The following ARHGEF4 variants were observed in gnomAD, a reference collection of about 807,000 sequenced individuals.
ARHGEF4 encodes APC-stimulated guanine nucleotide exchange factor 1.
A neutral mutation model predicts 162.0 loss-of-function variants in ARHGEF4; 119 were observed. The observed-to-expected ratio is 0.73, with a 90% CI of 0.63 to 0.86. The LOEUF is 0.86. ARHGEF4 is among the 40% of genes least tolerant of loss of function. The probability of loss-of-function intolerance (pLI) is 0.00; values close to 1 mark genes in which losing one functional copy is unlikely to be tolerated. For synonymous variants in ARHGEF4, 1,014 were observed against 979.9 expected (o/e 1.03, Z -0.65); for missense variants, 2,488 against 2,456.0 (o/e 1.01, Z -0.28).
intron 3 of ARHGEF4, among the ~76,000 whole-genome samples, chr2:130,945,218 G>A (rs1258310946): frequency 2.6e-5 from 4 of 151,986 alleles, no homozygotes; most frequent in African/African-American, 7.3e-5. Flanking sequence ...GCACTTCCTG[G>A]TGTCTAGGAG....
intron 1 of ARHGEF4, among the ~76,000 whole-genome samples, chr2:130,900,860 T>A: frequency 6.6e-6 from 1 of 152,232 alleles, no homozygotes; most frequent in East Asian, 1.9e-4. Flanking sequence ...CATATAGCTC[T>A]AGCCTATTTT....
chr2:131,013,733 TG>T (rs1330799876), intron 4 of ARHGEF4, among the ~76,000 whole-genome samples: 1 of 152,206 alleles, frequency 6.6e-6, no homozygotes, highest in African/African-American at 2.4e-5. Flanking sequence ...TCCAAGCAGC[TG>T]GGATTACAGG....
At chr2:130,935,942 A>G (rs6714494) in intron 3 of ARHGEF4, among the ~76,000 whole-genome samples, 1 of 152,126 alleles carries the variant, frequency 6.6e-6, no homozygotes, top group Non-Finnish European at 1.5e-5. Flanking sequence ...GTGCATGCCT[A>G]TAATCCCAGC....
chr2:131,006,214 T>C (rs1454662172), intron 4 of ARHGEF4, among the ~76,000 whole-genome samples: 2 of 152,040 alleles, frequency 1.3e-5, no homozygotes, highest in Admixed American at 1.3e-4. Flanking sequence ...AGACTGCGAG[T>C]TGATTCAGCC....
intron 1 of ARHGEF4, among the ~76,000 whole-genome samples, chr2:130,894,316 T>C (rs1159798957): frequency 2.6e-5 from 4 of 152,108 alleles, no homozygotes; most frequent in African/African-American, 9.7e-5. Context: ...CATAAATATA[T>C]GGTCAGGAGG....
In ARHGEF4 at chr2:130,894,723, T is replaced by C. The variant is rs557394439; in HGVS notation, c.40-19263T>C. Among the ~76,000 whole-genome samples, 10 of 152,312 alleles carry C rather than the reference T, an allele frequency of 6.6e-5. No homozygotes were observed. In the South Asian group the frequency reaches 1.9e-3, roughly 28 times the overall value. On this transcript the variant is annotated intron_variant, in intron 1 of 13. Coordinates refer to ENST00000409359, the MANE Select transcript of ARHGEF4 (RefSeq NM_001367493.1). Reference sequence around the variant, plus strand: ...ACAATACTATGAGTCAGGATTTTTCTGCTCCTTCTTCCTCTGTCCCTGGTC... The same window carrying C: ...ACAATACTATGAGTCAGGATTTTTCCGCTCCTTCTTCCTCTGTCCCTGGTC...
intron 4 of ARHGEF4, chr2:130,963,975 C>A: frequency 1.2e-5 from 2 of 172,278 alleles, no homozygotes; most frequent in South Asian, 1.7e-4. Context: ...CCGGCAGCCC[C>A]GCGGCCGCCG....
At chr2:131,031,965 C>G (rs894869152) in intron 5 of ARHGEF4, among the ~76,000 whole-genome samples, 1 of 152,202 alleles carries the variant, frequency 6.6e-6, no homozygotes, top group Admixed American at 6.5e-5. Flanking sequence ...GCTGCCAGTG[C>G]GAGCCATGAT....
intron 1 of ARHGEF4, among the ~76,000 whole-genome samples, chr2:130,880,005 C>T (rs75624931): frequency 0.039 from 5,904 of 152,266 alleles, 165 homozygotes; most frequent in Non-Finnish European, 0.057. Flanking sequence ...ACTGATGGCC[C>T]TTCCTTGGGT....
chr2:131,023,255 A>C (rs372469323), intron 4 of ARHGEF4, among the ~76,000 whole-genome samples: 1 of 151,712 alleles, frequency 6.6e-6, no homozygotes, highest in Non-Finnish European at 1.5e-5. Context: ...ATAGCGAGAC[A>C]CCATCTCTAC....
chr2:131,035,464 TCTGTGCC>T (rs1690196351), intron 5 of ARHGEF4: 1 of 322,258 alleles, frequency 3.1e-6, no homozygotes, highest in Non-Finnish European at 4.7e-6. Context: ...CCTTCTGTCC[TCTGTGCC>T]CTGTGGGGAG....
In ARHGEF4 at chr2:130,847,485, C is replaced by A. The variant is rs574031101; in HGVS notation, c.39+10493C>A. ...ACTTAATCATTCATCCCTCAGTCTTCATATCTGTAAAACGAGGATAATGGT... is the reference window on the plus strand; with the variant it reads ...ACTTAATCATTCATCCCTCAGTCTTAATATCTGTAAAACGAGGATAATGGT... On this transcript the variant is annotated intron_variant, in intron 1 of 13. Coordinates refer to ENST00000409359, the MANE Select transcript of ARHGEF4 (RefSeq NM_001367493.1). 9.5e-4 allele frequency among the ~76,000 whole-genome samples: 145 copies of A among 152,208 alleles called. 1 individual carries two copies. Among genetic ancestry groups the A allele is most frequent in the Non-Finnish European group, 1.7e-3 (117 of 68,026 alleles).
chr2:130,935,430 C>CT (rs1321983452), intron 3 of ARHGEF4, among the ~76,000 whole-genome samples: 1 of 152,140 alleles, frequency 6.6e-6, no homozygotes, highest in Admixed American at 6.5e-5. Flanking sequence ...GTTTGTGCTT[C>CT]TTTTTCTTGT....
At position 131,040,421 on chromosome 2, in the gene ARHGEF4, G is replaced by A; in HGVS notation, c.4643G>A (p.Gly1548Asp). The part of the protein sequence containing the change: ...NRERPHLSEL[G>D]ACFLEHQADF... ...GAGCGCCCACACCTGAGCGAGCTGG[G>A]TGCCTGCTTCCTGGAGCATGTGAGC... The change falls in exon 8 of 14, where the codon GGT (glycine) becomes GAT (aspartate). Residue 1548 changes from glycine (G) to aspartate (D), a missense_variant. Physicochemically the swap from Gly to Asp is moderately conservative, Grantham distance 94. Around this residue, in one of 6 missense-constraint regions of ARHGEF4, gnomAD observed 415 missense variants for 512.4 expected, o/e 0.81. Coordinates refer to ENST00000409359, the MANE Select transcript of ARHGEF4 (RefSeq NM_001367493.1). The A allele has an allele frequency of 6.3e-7, 1 of 1,598,112 alleles. No homozygotes were observed. Among genetic ancestry groups the A allele is most frequent in the Non-Finnish European group, 8.5e-7 (1 of 1,172,458 alleles).
At chr2:130,996,892 A>G (rs548214811) in intron 4 of ARHGEF4, among the ~76,000 whole-genome samples, 1 of 152,322 alleles carries the variant, frequency 6.6e-6, no homozygotes, top group South Asian at 2.1e-4. Context: ...TCCAATTACA[A>G]TCTTTCTGTT....
Position 130,914,405 on chromosome 2 carries a change from T to A in ARHGEF4, c.459T>A (p.Ala153=). ...KNGWRAFATV[A]GEQEAGHLWD... ...GGTGGCGAGCCTTTGCCACAGTTGC[T>A]GGAGAACAGGAGGCAGGACACCTCT... Residue 153 remains alanine, a synonymous_variant, in exon 2 of 14, where the codon GCT becomes GCA. Coordinates refer to ENST00000409359, the MANE Select transcript of ARHGEF4 (RefSeq NM_001367493.1). 1 of 1,443,724 alleles carries A rather than the reference T, an allele frequency of 6.9e-7. No homozygotes were observed. The highest frequency in any genetic ancestry group is 2.7e-5 in the Admixed American group (1 of 36,800). 89.4% of individuals were successfully genotyped at this position (1,443,724 alleles called of 1,614,324 possible).
chr2:130,938,559 A>G (rs1683100629), intron 3 of ARHGEF4, among the ~76,000 whole-genome samples: 1 of 152,210 alleles, frequency 6.6e-6, no homozygotes. Flanking sequence ...GAGGTAAGGC[A>G]AGGCATTTTT....
intron 4 of ARHGEF4, among the ~76,000 whole-genome samples, chr2:131,005,507 G>T (rs897779350): frequency 2.6e-5 from 4 of 152,186 alleles, no homozygotes; most frequent in Non-Finnish European, 2.9e-5. Flanking sequence ...GTTGAAGTGC[G>T]CCTCTGGGGG....
intron 4 of ARHGEF4, among the ~76,000 whole-genome samples, chr2:130,997,371 AT>A (rs1321868184): frequency 6.6e-6 from 1 of 151,998 alleles, no homozygotes; most frequent in Admixed American, 6.6e-5. Context: ...TTTGTTATGT[AT>A]TTTTTTTCTT....
Sources: gnomAD v4.1 joint callset for allele counts (sites outside exome capture counted in the v4.1 genomes callset) on GRCh38, gnomAD v4.1.1 for gene constraint, gnomAD v4.1.1 regional missense constraint, MANE v1.5 for transcripts, NCBI Gene and HGNC (gene_info 2026-07-23, HGNC 2026-07-21) for gene names.